Variants in AOPEP observed in about 807,000 individuals in gnomAD.
AOPEP encodes aminopeptidase O.
In AOPEP, 77 loss-of-function variants were observed where a neutral mutation model predicts 98.1. The observed-to-expected ratio is 0.78, with a 90% CI of 0.65 to 0.95. AOPEP has a LOEUF of 0.95. AOPEP is among the 40% of genes least tolerant of loss of function. AOPEP has a pLI of 0.00. For synonymous variants in AOPEP, 346 were observed against 365.3 expected, an observed-to-expected ratio of 0.95 and a Z score of 0.60; for missense variants, 1,024 against 1,024.7, an observed-to-expected ratio of 1.00 and a Z score of 0.01.
chr9:95,098,327 ACTAGCTCCCATTTCTGTC>A, the AOPEP span, among the ~76,000 whole-genome samples: 38,168 of 151,712 alleles, frequency 0.25, 5,996 homozygotes, highest in Middle Eastern at 0.38. Context: ...CATCCCCTGG[ACTAGCTCCCATTTCTGTC>A]CTAGCTCCCA....
chr9:95,046,061 T>TA (rs1474998169), intron 13 of AOPEP, among the ~76,000 whole-genome samples: 1 of 152,134 alleles, frequency 6.6e-6, no homozygotes. Context: ...ACGGGTTCTT[T>TA]AAAAAAATGT....
At chr9:94,777,519 A>G (rs1342968881) in intron 3 of AOPEP, among the ~76,000 whole-genome samples, 1 of 151,932 alleles carries the variant, frequency 6.6e-6, no homozygotes, top group Non-Finnish European at 1.5e-5. Flanking sequence ...ACTATGGAAA[A>G]TCAGTAGGAC....
intron 5 of AOPEP, among the ~76,000 whole-genome samples, chr9:94,896,282 T>G (rs150316854): frequency 3.0e-4 from 46 of 152,332 alleles, no homozygotes; most frequent in African/African-American, 1.1e-3. Flanking sequence ...AAAGAAATGC[T>G]TATGAGTCTA....
chr9:95,123,530 AAAAG>A, the AOPEP span: 4 of 510,836 alleles, frequency 7.8e-6, no homozygotes, highest in Non-Finnish European at 1.2e-5. Context: ...TATGATGAAA[AAAAG>A]AAGGAACAAC....
At chr9:94,913,883 CTG>C (rs913731247) in intron 5 of AOPEP, among the ~76,000 whole-genome samples, 2 of 152,336 alleles carry the variant, frequency 1.3e-5, no homozygotes, top group Admixed American at 6.5e-5. Context: ...ATAACTGAAA[CTG>C]TGTTTGGATT....
rs1200729314 is a variant in AOPEP, at chr9:94,972,233, A to G, written c.1916+4432A>G. The stretch of plus-strand genomic sequence containing the variant: ...TGAGTCCGACCTTTCTTTCTTAGCC[A>G]CTAAGTCACACTCTGAAGTAGCAGT... On this transcript the variant is annotated intron_variant, in intron 10 of 16. Coordinates refer to ENST00000375315, the MANE Select transcript of AOPEP (RefSeq NM_001193329.3). The surrounding 1 kb of genome is among the most constrained non-coding windows in gnomAD (Gnocchi z 4.2). Among the ~76,000 whole-genome samples, 1 of 152,152 alleles carries G rather than the reference A, an allele frequency of 6.6e-6. No homozygotes were observed. Among genetic ancestry groups the G allele is most frequent in the African/African-American group, 2.4e-5 (1 of 41,436 alleles).
intron 5 of AOPEP, among the ~76,000 whole-genome samples, chr9:94,860,804 A>G (rs908710458): frequency 2.0e-4 from 31 of 152,196 alleles, no homozygotes; most frequent in Admixed American, 1.8e-3. Flanking sequence ...TTAAGAAGCC[A>G]CTTAGCACAG....
At chr9:94,795,550 T>C (rs1421043724) in intron 4 of AOPEP, among the ~76,000 whole-genome samples, 1 of 152,214 alleles carries the variant, frequency 6.6e-6, no homozygotes, top group Non-Finnish European at 1.5e-5. Flanking sequence ...TTAGAGGAGC[T>C]GTGCAGTTGG....
chr9:94,904,387 G>A (rs1430999383), intron 5 of AOPEP: 4 of 152,270 alleles, frequency 2.6e-5, no homozygotes, highest in Middle Eastern at 3.4e-3. Flanking sequence ...AAAAAGTCAC[G>A]GAGAAACATT....
At chr9:95,128,442 C>A in the AOPEP span, among the ~76,000 whole-genome samples, 2 of 152,314 alleles carry the variant, frequency 1.3e-5, no homozygotes, top group African/African-American at 2.4e-5. Flanking sequence ...AATTAAATTT[C>A]TTTTTTCTAA....
At chr9:94,932,305 C>T (rs2055460105) in intron 7 of AOPEP, 1 of 982,906 alleles carries the variant, frequency 1.0e-6, no homozygotes, top group Non-Finnish European at 1.2e-6. Flanking sequence ...ATTCAACATT[C>T]TCTTGGTTAT....
At chr9:94,880,667 ATAATGT>A (rs2047479275) in intron 5 of AOPEP, among the ~76,000 whole-genome samples, 2 of 152,178 alleles carry the variant, frequency 1.3e-5, no homozygotes, top group South Asian at 4.1e-4. Flanking sequence ...CATTGTTTCC[ATAATGT>A]GCCAAAATTG....
chr9:95,049,495 T>TATAA (rs2066150383), intron 13 of AOPEP, among the ~76,000 whole-genome samples: 1 of 152,258 alleles, frequency 6.6e-6, no homozygotes, highest in African/African-American at 2.4e-5. Context: ...TATGGTTTTC[T>TATAA]ATAGACTATT....
chr9:95,024,539 C>A lies in AOPEP; in HGVS notation c.2115+18923C>A, dbSNP rs184874416. On this transcript the variant is annotated intron_variant, in intron 13 of 16. Coordinates refer to ENST00000375315, the MANE Select transcript of AOPEP (RefSeq NM_001193329.3). Reference sequence around the variant, plus strand: ...GCCGTTTCTAGATATGGTATCTGACCCCTGTGTGAGTACCGACTGCCCAAG... The same window carrying A: ...GCCGTTTCTAGATATGGTATCTGACACCTGTGTGAGTACCGACTGCCCAAG... Among the ~76,000 whole-genome samples the A allele has an allele frequency of 9.1e-4, 139 of 152,290 alleles. 1 individual carries two copies. The highest frequency in any genetic ancestry group is 1.8e-3 in the Admixed American group (28 of 15,298).
rs574791379 is a variant in AOPEP, at chr9:95,010,044, A to T, written c.2115+4428A>T. Among the ~76,000 whole-genome samples, 56 of 152,322 alleles carry T rather than the reference A, an allele frequency of 3.7e-4. 1 individual carries two copies. In the South Asian group the frequency reaches 0.012, roughly 32 times the overall value. ...TTGTACATACTTGACTCTGAACCAA[A>T]ATCAGTGATAATCTTAGTTTGAATA... On this transcript the variant is annotated intron_variant, in intron 13 of 16. Transcript: ENST00000375315.
rs920020325 is a variant in AOPEP at position 94,941,613 on chromosome 9, C to A, written c.1661+13082C>A. 3.3e-5 allele frequency among the ~76,000 whole-genome samples: 5 copies of A among 152,220 alleles called. 2 individuals are homozygous for A. The highest frequency in any genetic ancestry group is 7.3e-5 in the Non-Finnish European group (5 of 68,044). On this transcript the variant is annotated intron_variant, in intron 7 of 16. Coordinates refer to ENST00000375315, the MANE Select transcript of AOPEP (RefSeq NM_001193329.3). ...GTTTGTTTCCTGTTAGAGGGACACC[C>A]TCAGCTCTCAGCTCTTTTAAACAGC...
At chr9:95,138,948 GTGAT>G in the AOPEP span, among the ~76,000 whole-genome samples, 1 of 152,336 alleles carries the variant, frequency 6.6e-6, no homozygotes, top group East Asian at 1.9e-4. Context: ...ATTGCTGTGA[GTGAT>G]TATGTTTATG....
intron 5 of AOPEP, among the ~76,000 whole-genome samples, chr9:94,846,561 G>A (rs1273695564): frequency 1.3e-5 from 2 of 152,196 alleles, no homozygotes; most frequent in African/African-American, 4.8e-5. Flanking sequence ...TGTTTTAAGG[G>A]AACAGTCTAT....
At chr9:94,872,782 A>G (rs750730871) in intron 5 of AOPEP, among the ~76,000 whole-genome samples, 2 of 152,232 alleles carry the variant, frequency 1.3e-5, no homozygotes, top group Admixed American at 6.5e-5. Flanking sequence ...TTGGAAAGAA[A>G]AGACGTGAAA....
Sources: gnomAD v4.1 joint callset for allele counts (sites outside exome capture counted in the v4.1 genomes callset) on GRCh38, gnomAD v4.1.1 for gene constraint, Gnocchi (gnomAD v3.1) non-coding constraint, MANE v1.5 for transcripts, NCBI Gene and HGNC (gene_info 2026-07-23, HGNC 2026-07-21) for gene names.